PDE8B: variants seen among roughly 807,000 people sequenced by gnomAD.
The protein encoded by PDE8B is phosphodiesterase 8B, also known as high affinity cAMP-specific and IBMX-insensitive 3',5'-cyclic phosphodiesterase 8B.
A neutral mutation model predicts 101.3 loss-of-function variants in PDE8B; 26 were observed. The ratio of observed to expected loss-of-function variants is 0.26; its 90% CI spans 0.19 to 0.36. The LOEUF (loss-of-function observed/expected upper bound fraction) is 0.36. PDE8B is among the 10% of genes least tolerant of loss of function. The pLI, the probability that PDE8B is intolerant of heterozygous loss-of-function variation, is 1.00. For synonymous variants in PDE8B, 424 were observed against 429.3 expected (o/e 0.99, Z 0.15); for missense variants, 810 against 1,163.1 (o/e 0.70, Z 4.42).
At chr5:77,291,396 C>T in intron 1 of PDE8B, 1 of 1,611,716 alleles carries the variant, frequency 6.2e-7, no homozygotes, top group Non-Finnish European at 8.5e-7. Flanking sequence ...TATGGATCGC[C>T]CTGGAAATTA....
At chr5:77,328,942 A>G (rs2150265930) in intron 3 of PDE8B, 56 bp from the exon 4 acceptor site, 2 of 1,346,846 alleles carry the variant, frequency 1.5e-6, no homozygotes, top group Non-Finnish European at 2.1e-6. Flanking sequence ...TTCCACATTC[A>G]TTTAATGTAA....
chr5:77,211,344 G>C lies in PDE8B; in HGVS notation c.339+80G>C. On this transcript the variant is annotated intron_variant, in intron 1 of 21. Transcript: ENST00000264917. This position sits in a 1 kb window ranked among gnomAD's most constrained non-coding sequence, Gnocchi z 4.1. ...CTCGCACGGGTAGGGGGCTCCGGCG[G>C]AGTTGGGTGACCGTGAGGCGGTTGG... The C allele has an allele frequency of 7.4e-7, 1 of 1,354,414 alleles. No homozygotes were observed. The highest frequency in any genetic ancestry group is 9.9e-7 in the Non-Finnish European group (1 of 1,005,800). The allele number at this position is 1,354,414 out of a possible 1,614,324, so 83.9% of individuals were successfully genotyped here. A position where few individuals can be genotyped will look rare whatever the true frequency, so the allele number is the denominator to read the frequency against.
At chr5:77,118,523 T>A in the PDE8B span, 4 of 396,872 alleles carry the variant, frequency 1.0e-5, no homozygotes, top group Non-Finnish European at 1.3e-5. Flanking sequence ...ACCTGTGAGG[T>A]ATGAAGGAGT....
At chr5:77,087,456 G>C in the PDE8B span, 1 of 152,274 alleles carries the variant, frequency 6.6e-6, no homozygotes, top group African/African-American at 2.4e-5. Context: ...TCCCGGGCCT[G>C]AGTCTCAGAG....
chr5:77,235,561 G>A (rs575599492), intron 1 of PDE8B, among the ~76,000 whole-genome samples: 1 of 152,088 alleles, frequency 6.6e-6, no homozygotes, highest in East Asian at 1.9e-4. Context: ...CTTGAATCAG[G>A]GAATACAAAC....
At chr5:77,250,593 T>C (rs1256241773) in intron 1 of PDE8B, among the ~76,000 whole-genome samples, 1 of 152,218 alleles carries the variant, frequency 6.6e-6, no homozygotes, top group Admixed American at 6.5e-5. Flanking sequence ...GAAGGTCTCT[T>C]TTCCATGTGA....
At chr5:77,303,171 A>C (rs1770362520) in intron 1 of PDE8B, among the ~76,000 whole-genome samples, 1 of 152,214 alleles carries the variant, frequency 6.6e-6, no homozygotes, top group South Asian at 2.1e-4. Flanking sequence ...ATTTATTTGG[A>C]AATATCTACA....
At position 77,427,634 on chromosome 5, in the gene PDE8B, C is replaced by T. The variant is rs1446758722; in HGVS notation, c.*1080C>T. ...TGGTGTAAATATATCAGAAAATAGGCATATGGGGAGGCAGTAAATACTATT... is the reference window on the plus strand; with the variant it reads ...TGGTGTAAATATATCAGAAAATAGGTATATGGGGAGGCAGTAAATACTATT... On this transcript the variant is annotated 3_prime_UTR_variant, in exon 22 of 22. Coordinates refer to ENST00000264917, the MANE Select transcript of PDE8B (RefSeq NM_003719.5). 2 of 152,032 alleles carry T rather than the reference C, an allele frequency of 1.3e-5. No homozygotes were observed. The highest frequency in any genetic ancestry group is 4.8e-5 in the African/African-American group (2 of 41,410). 9.4% of individuals were successfully genotyped at this position (152,032 alleles called of 1,614,324 possible).
At chr5:77,250,525 G>A (rs567999887) in intron 1 of PDE8B, among the ~76,000 whole-genome samples, 1 of 152,290 alleles carries the variant, frequency 6.6e-6, no homozygotes. Flanking sequence ...TCCTCTTGAG[G>A]TTCTGGGGTG....
At chr5:77,089,831 A>G in the PDE8B span, among the ~76,000 whole-genome samples, 2,057 of 152,334 alleles carry the variant, frequency 0.014, 52 homozygotes, top group African/African-American at 0.046. Flanking sequence ...AGTGTATCAA[A>G]GGGATTCTTG....
chr5:77,361,516 C>CATT (rs531096862), intron 10 of PDE8B, among the ~76,000 whole-genome samples: 1 of 139,994 alleles, frequency 7.1e-6, no homozygotes. Context: ...TTTCATCTTA[C>CATT]TTTTTTTTTT....
chr5:77,232,956 G>A (rs535495751), intron 1 of PDE8B, among the ~76,000 whole-genome samples: 2 of 152,292 alleles, frequency 1.3e-5, no homozygotes, highest in Non-Finnish European at 1.5e-5. Context: ...CCTTTGAATT[G>A]GAAGATGTCA....
intron 6 of PDE8B, among the ~76,000 whole-genome samples, chr5:77,343,528 AG>A (rs1297882779): frequency 2.0e-5 from 3 of 152,250 alleles, no homozygotes; most frequent in African/African-American, 7.2e-5. Flanking sequence ...CACTTGTATA[AG>A]GCACTTAGCA....
At chr5:77,269,064 G>A (rs1762278003) in intron 1 of PDE8B, among the ~76,000 whole-genome samples, 1 of 151,818 alleles carries the variant, frequency 6.6e-6, no homozygotes, top group Non-Finnish European at 1.5e-5. Flanking sequence ...CTTCATAGTG[G>A]TTGTACTGTA....
intron 19 of PDE8B, among the ~76,000 whole-genome samples, chr5:77,421,592 C>CTG (rs138121683): frequency 0.3 from 45,961 of 151,550 alleles, 7,267 homozygotes; most frequent in South Asian, 0.44. Context: ...CTTTCAAACT[C>CTG]TGTGTGTGTG....
the PDE8B span, among the ~76,000 whole-genome samples, chr5:77,143,268 T>C: frequency 1.3e-5 from 2 of 152,216 alleles, no homozygotes; most frequent in African/African-American, 4.8e-5. Context: ...ATTATTGCTC[T>C]GTGGATTAAA....
chr5:77,386,420 T>A (rs1788635469), intron 10 of PDE8B, among the ~76,000 whole-genome samples: 1 of 152,170 alleles, frequency 6.6e-6, no homozygotes, highest in South Asian at 2.1e-4. Flanking sequence ...CTAAGTCTCT[T>A]TGTAGGTCTC....
chr5:77,106,915 A>C, the PDE8B span, among the ~76,000 whole-genome samples: 1 of 151,938 alleles, frequency 6.6e-6, no homozygotes, highest in South Asian at 2.1e-4. Flanking sequence ...TATTTTAATT[A>C]TTATACTTTA....
the PDE8B span, chr5:77,139,699 TG>T: frequency 2.0e-5 from 3 of 152,266 alleles, no homozygotes; most frequent in Non-Finnish European, 4.4e-5. Flanking sequence ...AGTTCCAGTT[TG>T]CTTATTTTCT....
Sources: gnomAD v4.1 joint callset for allele counts (sites outside exome capture counted in the v4.1 genomes callset) on GRCh38, gnomAD v4.1.1 for gene constraint, Gnocchi (gnomAD v3.1) non-coding constraint, MANE v1.5 for transcripts, NCBI Gene and HGNC (gene_info 2026-07-23, HGNC 2026-07-21) for gene names.